Variants in CNTN4 observed in about 807,000 individuals in gnomAD.
CNTN4 encodes contactin 4, also known as contactin-4.
A neutral mutation model predicts 122.5 loss-of-function variants in CNTN4; 77 were observed. The observed-to-expected ratio is 0.63, with a 90% CI of 0.52 to 0.76. The LOEUF is 0.76. Among genes scored for constraint, CNTN4 ranks in the 30% least tolerant of loss-of-function variants. The pLI, the probability that CNTN4 is intolerant of heterozygous loss-of-function variation, is 0.00. For synonymous variants in CNTN4, 512 were observed against 447.0 expected (o/e 1.15, Z -1.83); for missense variants, 1,256 against 1,259.1 (o/e 1.00, Z 0.04).
intron 3 of CNTN4, among the ~76,000 whole-genome samples, chr3:2,386,598 C>G (rs1180006759): frequency 1.3e-5 from 2 of 151,866 alleles, no homozygotes; most frequent in African/African-American, 4.8e-5. Flanking sequence ...AAGCAAATAT[C>G]ACATGTTTGA....
chr3:2,984,482 C>T (rs151054301), intron 13 of CNTN4, among the ~76,000 whole-genome samples: 19 of 152,264 alleles, frequency 1.2e-4, no homozygotes, highest in Non-Finnish European at 2.2e-4. Context: ...TTATCCCCCC[C>T]AGGACAAAGA....
chr3:2,844,754 C>A (rs2093426271), intron 7 of CNTN4, among the ~76,000 whole-genome samples: 1 of 152,186 alleles, frequency 6.6e-6, no homozygotes, highest in Admixed American at 6.5e-5. Flanking sequence ...CAGCAAGAGT[C>A]TATTTAAGGG....
At chr3:2,812,566 TG>T (rs1346489680) in intron 6 of CNTN4, among the ~76,000 whole-genome samples, 4 of 142,000 alleles carry the variant, frequency 2.8e-5, no homozygotes, top group South Asian at 4.4e-4. Flanking sequence ...TTTTTTGTTT[TG>T]TTTTGTTTTT....
At chr3:2,778,669 TATC>T (rs1211452644) in intron 6 of CNTN4, among the ~76,000 whole-genome samples, 23 of 152,230 alleles carry the variant, frequency 1.5e-4, no homozygotes, top group African/African-American at 5.3e-4. Flanking sequence ...AATCTGTTCT[TATC>T]ATACTGATTC....
At chr3:3,047,119 T>C (rs1012700841) in intron 23 of CNTN4, among the ~76,000 whole-genome samples, 2 of 151,392 alleles carry the variant, frequency 1.3e-5, no homozygotes, top group Non-Finnish European at 2.9e-5. Context: ...GCACCCAGAT[T>C]CATAAAGCAA....
rs188669174 is a variant in CNTN4 at position 2,358,102 on chromosome 3, C to A, written c.-89+18869C>A. 3.3e-5 allele frequency among the ~76,000 whole-genome samples: 5 copies of A among 152,180 alleles called. No individual in the cohort carries two copies. In the East Asian group the frequency reaches 7.7e-4, roughly 23 times the overall value. The stretch of plus-strand genomic sequence containing the variant: ...GAGGGGAAGTCAACTGCAGCAAAAT[C>A]ATTTCTTTTGATTTCTAACAATTTC... On this transcript the variant is annotated intron_variant, in intron 3 of 24. Transcript: ENST00000418658.
At chr3:2,733,683 G>A (rs977240992) in intron 4 of CNTN4, among the ~76,000 whole-genome samples, 8 of 151,736 alleles carry the variant, frequency 5.3e-5, no homozygotes, top group East Asian at 1.9e-4. Context: ...ACAGGCACAC[G>A]CCACCATGCC....
At chr3:2,885,749 G>A (rs1050738905) in intron 9 of CNTN4, among the ~76,000 whole-genome samples, 1 of 152,204 alleles carries the variant, frequency 6.6e-6, no homozygotes, top group Non-Finnish European at 1.5e-5. Context: ...TTGGCTGGCT[G>A]ATTCTTTTGC....
intron 3 of CNTN4, among the ~76,000 whole-genome samples, chr3:2,451,802 T>C (rs1313964893): frequency 2.0e-5 from 3 of 152,292 alleles, no homozygotes; most frequent in African/African-American, 7.2e-5. Flanking sequence ...AGTAAATCCT[T>C]TAAATTAATA....
At chr3:2,724,514 T>C (rs1299821119) in intron 4 of CNTN4, among the ~76,000 whole-genome samples, 1 of 152,210 alleles carries the variant, frequency 6.6e-6, no homozygotes, top group Non-Finnish European at 1.5e-5. Context: ...TTGAGTAGCT[T>C]TCAGATTACT....
intron 2 of CNTN4, among the ~76,000 whole-genome samples, chr3:2,165,280 G>A (rs571625690): frequency 2.0e-5 from 3 of 151,322 alleles, no homozygotes; most frequent in African/African-American, 7.3e-5. Flanking sequence ...CTGAGATCGC[G>A]CCATTGCACT....
intron 24 of CNTN4, 58 bp from the exon 25 acceptor site, chr3:3,056,062 C>T: frequency 7.3e-7 from 1 of 1,364,300 alleles, no homozygotes; most frequent in Non-Finnish European, 1.0e-6. Context: ...CCCGTGGCCC[C>T]TCTTCCCTTT....
intron 2 of CNTN4, among the ~76,000 whole-genome samples, chr3:2,226,087 AG>A (rs932099412): frequency 6.6e-6 from 1 of 152,176 alleles, no homozygotes; most frequent in African/African-American, 2.4e-5. Flanking sequence ...TACTGGTAAA[AG>A]CATTGTGTAG....
At chr3:2,805,092 G>A (rs946866104) in intron 6 of CNTN4, among the ~76,000 whole-genome samples, 3 of 152,030 alleles carry the variant, frequency 2.0e-5, no homozygotes, top group Admixed American at 6.5e-5. Flanking sequence ...CACGAGAATC[G>A]CTTGAACCTG....
At chr3:2,212,398 C>G (rs530359874) in intron 2 of CNTN4, among the ~76,000 whole-genome samples, 9 of 152,306 alleles carry the variant, frequency 5.9e-5, no homozygotes, top group African/African-American at 1.9e-4. Flanking sequence ...GTTTGATTAA[C>G]TCACAGTTCC....
intron 6 of CNTN4, among the ~76,000 whole-genome samples, chr3:2,795,670 A>T (rs1311490105): frequency 6.6e-6 from 1 of 151,948 alleles, no homozygotes; most frequent in African/African-American, 2.4e-5. Flanking sequence ...ACAGGCGCCC[A>T]AGACCACGCT....
At chr3:2,387,141 A>G (rs917828748) in intron 3 of CNTN4, among the ~76,000 whole-genome samples, 1 of 152,222 alleles carries the variant, frequency 6.6e-6, no homozygotes, top group Non-Finnish European at 1.5e-5. Flanking sequence ...TATAAAACTT[A>G]TCTGATAGTA....
At chr3:2,204,590 G>C (rs1466324001) in intron 2 of CNTN4, among the ~76,000 whole-genome samples, 1 of 152,022 alleles carries the variant, frequency 6.6e-6, no homozygotes, top group Non-Finnish European at 1.5e-5. Context: ...TATTGTTAAA[G>C]TAAGAAAAAA....
intron 6 of CNTN4, among the ~76,000 whole-genome samples, chr3:2,787,655 G>T (rs188767537): frequency 6.6e-6 from 1 of 152,172 alleles, no homozygotes; most frequent in Middle Eastern, 3.2e-3. Flanking sequence ...CCACAGTCAC[G>T]TTATTTAACT....
Sources: gnomAD v4.1 joint callset for allele counts (sites outside exome capture counted in the v4.1 genomes callset) on GRCh38, gnomAD v4.1.1 for gene constraint, MANE v1.5 for transcripts, NCBI Gene and HGNC (gene_info 2026-07-23, HGNC 2026-07-21) for gene names.